ANKRD44: variants seen among roughly 807,000 people sequenced by gnomAD.
ANKRD44 encodes ankyrin repeat domain 44.
In ANKRD44, 35 loss-of-function variants were observed where a neutral mutation model predicts 116.0. The ratio of observed to expected loss-of-function variants is 0.30; its 90% CI spans 0.23 to 0.40. ANKRD44 has a LOEUF of 0.40. Ranked by LOEUF, ANKRD44 falls within the 10% of genes least tolerant of loss-of-function variation. The pLI is 1.00. For missense variants in ANKRD44, 1,014 were observed against 1,242.6 expected (o/e 0.82, Z 2.77); for synonymous variants, 435 against 461.8 (o/e 0.94, Z 0.74).
At chr2:196,990,538 C>T (rs1334123279) in intron 27 of ANKRD44, 9 of 1,229,130 alleles carry the variant, frequency 7.3e-6, no homozygotes, top group South Asian at 8.5e-5. Context: ...GCCTCACTGC[C>T]CTCCCTCGAT....
chr2:197,252,208 G>A (rs1306310802), intron 1 of ANKRD44, among the ~76,000 whole-genome samples: 1 of 151,956 alleles, frequency 6.6e-6, no homozygotes, highest in African/African-American at 2.4e-5. Context: ...AACAGGCATT[G>A]GTATACAAAC....
At chr2:197,070,349 T>A (rs2077533262) in intron 16 of ANKRD44, among the ~76,000 whole-genome samples, 1 of 152,186 alleles carries the variant, frequency 6.6e-6, no homozygotes, top group Admixed American at 6.6e-5. Context: ...CTGTTCTTTA[T>A]CAAGTTGTTA....
chr2:196,971,827 A>AAAGGGGAT (rs1402624753), intron 21 of ANKRD44, among the ~76,000 whole-genome samples: 1 of 152,184 alleles, frequency 6.6e-6, no homozygotes, highest in Admixed American at 6.5e-5. Flanking sequence ...TCTGTGAGCC[A>AAAGGGGAT]AAGGGGATGC....
At chr2:197,027,343 C>A (rs531573636) in intron 16 of ANKRD44, among the ~76,000 whole-genome samples, 113 of 152,214 alleles carry the variant, frequency 7.4e-4, no homozygotes, top group Middle Eastern at 3.4e-3. Context: ...GCCTGGGCAA[C>A]AGAGCCAGAC....
chr2:197,117,196 GC>G (rs2078731174), intron 8 of ANKRD44, among the ~76,000 whole-genome samples: 1 of 148,820 alleles, frequency 6.7e-6, no homozygotes, highest in Non-Finnish European at 1.5e-5. Flanking sequence ...ACCTTTCTTT[GC>G]CGGATTTCTT....
chr2:197,030,383 C>T (rs2124882726), intron 16 of ANKRD44, among the ~76,000 whole-genome samples: 1 of 152,234 alleles, frequency 6.6e-6, no homozygotes, highest in South Asian at 2.1e-4. Flanking sequence ...TTTTAGCTTC[C>T]AGTGTAGAGG....
intron 2 of ANKRD44, among the ~76,000 whole-genome samples, chr2:197,185,660 G>T (rs2080638528): frequency 6.6e-6 from 1 of 152,152 alleles, no homozygotes; most frequent in Non-Finnish European, 1.5e-5. Flanking sequence ...TTGAAGGTTT[G>T]TTTTTTTGTG....
chr2:197,273,653 G>A (rs1050869922), intron 1 of ANKRD44, among the ~76,000 whole-genome samples: 4 of 152,040 alleles, frequency 2.6e-5, no homozygotes, highest in African/African-American at 9.7e-5. Flanking sequence ...CCTGCGGCCT[G>A]GGCTTCCTGG....
intron 1 of ANKRD44, among the ~76,000 whole-genome samples, chr2:197,224,655 C>T (rs769160811): frequency 2.0e-5 from 3 of 151,996 alleles, no homozygotes; most frequent in South Asian, 4.1e-4. Flanking sequence ...TGGTTTGTTG[C>T]GCTTTTCTAT....
chr2:197,130,422 G>C (rs1342514205), intron 4 of ANKRD44, among the ~76,000 whole-genome samples: 1 of 152,214 alleles, frequency 6.6e-6, no homozygotes, highest in Admixed American at 6.5e-5. Context: ...TATGACCAGT[G>C]TTTAATCTCA....
chr2:197,301,296 T>C (rs2083900968), intron 1 of ANKRD44: 2 of 152,190 alleles, frequency 1.3e-5, no homozygotes, highest in Non-Finnish European at 2.9e-5. Flanking sequence ...TGCTGTATCA[T>C]TGCTATGTAG....
intron 10 of ANKRD44, among the ~76,000 whole-genome samples, chr2:197,095,931 T>A (rs1057172208): frequency 6.6e-6 from 1 of 152,186 alleles, no homozygotes; most frequent in African/African-American, 2.4e-5. Context: ...TTTGCTAGCG[T>A]CAAAAGCCTA....
At chr2:197,178,009 G>C (rs2080408660) in intron 2 of ANKRD44, among the ~76,000 whole-genome samples, 1 of 152,126 alleles carries the variant, frequency 6.6e-6, no homozygotes, top group South Asian at 2.1e-4. Flanking sequence ...ACATCTTTTT[G>C]TATATATAGT....
At chr2:197,299,329 C>T (rs935700831) in intron 1 of ANKRD44, among the ~76,000 whole-genome samples, 3 of 152,162 alleles carry the variant, frequency 2.0e-5, no homozygotes, top group African/African-American at 7.2e-5. Flanking sequence ...CAATCCCACT[C>T]CTGGGTATCT....
At chr2:196,976,502 G>A (rs1006419896) in intron 21 of ANKRD44, among the ~76,000 whole-genome samples, 4 of 152,140 alleles carry the variant, frequency 2.6e-5, no homozygotes, top group African/African-American at 7.2e-5. Flanking sequence ...ATCCTATACA[G>A]ATTGGAAAAG....
intron 2 of ANKRD44, among the ~76,000 whole-genome samples, chr2:197,183,341 A>G (rs1369238008): frequency 6.6e-6 from 1 of 152,136 alleles, no homozygotes; most frequent in Non-Finnish European, 1.5e-5. Context: ...AAGGGGTAAG[A>G]AGACAAATAT....
At chr2:197,235,914 C>T (rs1191521449) in intron 1 of ANKRD44, among the ~76,000 whole-genome samples, 3 of 152,048 alleles carry the variant, frequency 2.0e-5, no homozygotes, top group African/African-American at 2.4e-5. Flanking sequence ...CTCAGCATTG[C>T]GGTGAGGGCT....
intron 16 of ANKRD44, among the ~76,000 whole-genome samples, chr2:197,067,499 C>G (rs1215602015): frequency 4.8e-5 from 7 of 146,114 alleles, no homozygotes; most frequent in Admixed American, 1.4e-4. Flanking sequence ...ACAATGAACT[C>G]AAACAAATTT....
intron 2 of ANKRD44, among the ~76,000 whole-genome samples, chr2:197,150,535 C>T (rs957190463): frequency 1.3e-5 from 2 of 151,512 alleles, no homozygotes; most frequent in Admixed American, 6.6e-5. Flanking sequence ...GGTGACAGAG[C>T]GAGACTCCAT....
Sources: allele counts gnomAD v4.1 joint callset (sites outside exome capture counted in the v4.1 genomes callset), GRCh38; gene constraint gnomAD v4.1.1; transcripts MANE v1.5; gene names NCBI Gene and HGNC (gene_info 2026-07-23, HGNC 2026-07-21).